Variants in WDR89 observed in about 807,000 individuals in gnomAD.
WDR89 encodes the protein WD repeat-containing protein 89.
A neutral mutation model predicts 29.1 loss-of-function variants in WDR89; 17 were observed. The ratio of observed to expected loss-of-function variants is 0.58; its 90% confidence interval spans 0.40 to 0.88. The LOEUF is 0.88. Among genes scored for constraint, WDR89 ranks in the 40% least tolerant of loss-of-function variants. WDR89 has a pLI of 0.00. For missense variants in WDR89, 396 were observed against 456.3 expected (o/e 0.87, Z 1.20); for synonymous variants, 138 against 157.8 (o/e 0.87, Z 0.94).
chr14:63,606,408 A>G (rs1440746796), intron 2 of WDR89, among the ~76,000 whole-genome samples: 2 of 152,380 alleles, frequency 1.3e-5, no homozygotes, highest in East Asian at 3.9e-4. Context: ...TTATTACAAA[A>G]GAGGAAAAAA....
At chr14:63,607,894 A>AG (rs1216781404) in intron 2 of WDR89, among the ~76,000 whole-genome samples, 2,781 of 150,690 alleles carry the variant, frequency 0.018, 90 homozygotes, top group African/African-American at 0.064. Flanking sequence ...AAAAAAAAAA[A>AG]AAAGAAAAGA....
intron 2 of WDR89, among the ~76,000 whole-genome samples, chr14:63,603,729 G>A (rs1258459372): frequency 4.6e-5 from 7 of 152,114 alleles, no homozygotes; most frequent in Non-Finnish European, 1.0e-4. Flanking sequence ...CAGTCTGTAA[G>A]CCCCACATGA....
At position 63,598,765 on chromosome 14, in the gene WDR89, T is replaced by A; in HGVS notation, c.*14A>T. ...AAACTATAAAACCTACCAAACAAAG[T>A]GCCAAATGCATTATCACTGCTTTTT... On this transcript the variant is annotated 3_prime_UTR_variant, in exon 3 of 3. Transcript: ENST00000620954. 1 of 1,555,216 alleles carries A rather than the reference T, an allele frequency of 6.4e-7. No homozygotes were observed. Among genetic ancestry groups the A allele is most frequent in the South Asian group, 1.2e-5 (1 of 80,420 alleles).
chr14:63,620,154 TAAAAATAC>T (rs1354837518), intron 2 of WDR89, among the ~76,000 whole-genome samples: 1 of 152,008 alleles, frequency 6.6e-6, no homozygotes, highest in Non-Finnish European at 1.5e-5. Flanking sequence ...AAATGTGGTA[TAAAAATAC>T]AAAAATTAGC....
At chr14:63,600,162 C>T (rs898437781) in intron 2 of WDR89, among the ~76,000 whole-genome samples, 189 bp from the exon 3 acceptor site, 1 of 152,104 alleles carries the variant, frequency 6.6e-6, no homozygotes, top group Non-Finnish European at 1.5e-5. Flanking sequence ...TATGATGTAA[C>T]TAAAACTCAG....
chr14:63,627,812 G>A (rs753026008), intron 1 of WDR89, among the ~76,000 whole-genome samples: 1 of 152,152 alleles, frequency 6.6e-6, no homozygotes, highest in Non-Finnish European at 1.5e-5. Flanking sequence ...ATTCAGCTGG[G>A]TATGGTGGTA....
chr14:63,618,043 G>A (rs1299400099), intron 2 of WDR89: 1 of 152,068 alleles, frequency 6.6e-6, no homozygotes, highest in Non-Finnish European at 1.5e-5. Context: ...TAAAACCATG[G>A]TGCTCGCTTC....
At chr14:63,623,664 A>G (rs1882849733) in intron 2 of WDR89, among the ~76,000 whole-genome samples, 1 of 133,818 alleles carries the variant, frequency 7.5e-6, no homozygotes, top group Admixed American at 8.6e-5. Context: ...AGCTCACACC[A>G]CTGCACTCCA....
At position 63,597,070 on chromosome 14, in the gene WDR89, A is replaced by ATTC. The variant is rs1444415715; in HGVS notation, c.*1708_*1709insGAA. The ATTC allele has an allele frequency of 1.3e-5, 2 of 152,228 alleles. No individual in the cohort carries two copies. The highest frequency in any genetic ancestry group is 2.9e-5 in the Non-Finnish European group (2 of 68,042). 9.4% of individuals were successfully genotyped at this position (152,228 alleles called of 1,614,324 possible). On this transcript the variant is annotated 3_prime_UTR_variant, in exon 3 of 3. Coordinates refer to ENST00000620954, the MANE Select transcript of WDR89 (RefSeq NM_080666.4). ...ATAAAGGAAAGTGTTTAATTGACTG[A>ATTC]AGAGTTCAGCATGGCCAGGGAGGCC...
intron 1 of WDR89, among the ~76,000 whole-genome samples, chr14:63,631,205 A>G (rs1313683838): frequency 6.6e-6 from 1 of 152,210 alleles, no homozygotes; most frequent in African/African-American, 2.4e-5. Flanking sequence ...ACATCACACT[A>G]TATCCCAGAA....
chr14:63,598,236 T>G lies in WDR89; in HGVS notation c.*543A>C, dbSNP rs1037973798. ...AGATGCAAATATTTACGAAACATAT[T>G]TTTCTCACTTTACATAGATGCCTAT... is the stretch of plus-strand genomic sequence containing the variant. On this transcript the variant is annotated 3_prime_UTR_variant, in exon 3 of 3. Coordinates refer to ENST00000620954, the MANE Select transcript of WDR89 (RefSeq NM_080666.4). 2.6e-5 allele frequency: 4 copies of G among 152,190 alleles called. No individual in the cohort carries two copies. The highest frequency in any genetic ancestry group is 9.7e-5 in the African/African-American group (4 of 41,450). The allele number at this position is 152,190 out of a possible 1,614,324, so 9.4% of individuals were successfully genotyped here.
chr14:63,612,396 G>A (rs1286448793), intron 2 of WDR89, among the ~76,000 whole-genome samples: 1 of 149,388 alleles, frequency 6.7e-6, no homozygotes, highest in Non-Finnish European at 1.5e-5. Flanking sequence ...TGGGATCTCT[G>A]CTCACTGCAA....
In WDR89 at chr14:63,599,362, A is replaced by G. The variant is rs558790163; in HGVS notation, c.581T>C (p.Leu194Pro). 39 of 1,614,078 alleles carry G rather than the reference A, an allele frequency of 2.4e-5. No homozygotes were observed. Among genetic ancestry groups the G allele is most frequent in the African/African-American group, 4.0e-5 (3 of 74,922 alleles). The change falls in exon 3 of 3, where the codon CTG (leucine) becomes CCG (proline). Residue 194 changes from leucine (L) to proline (P), a missense_variant. Physicochemically the swap from Leu to Pro is moderately conservative, Grantham distance 98. Coordinates refer to ENST00000620954, the MANE Select transcript of WDR89 (RefSeq NM_080666.4). ...AATATTAATATCAAATACATTTACC[A>G]GGCCATCAGATGAACCTGAGACTAC... ...NMVVSGSSDG[L>P]VNVFDINIDN...
At chr14:63,613,907 C>A (rs142801775) in intron 2 of WDR89, among the ~76,000 whole-genome samples, 51 of 151,512 alleles carry the variant, frequency 3.4e-4, no homozygotes, top group Admixed American at 7.9e-4. Flanking sequence ...CTTTGGCCTC[C>A]CAAAGCGCTG....
intron 1 of WDR89, among the ~76,000 whole-genome samples, chr14:63,639,419 TTAAG>T (rs911657042): frequency 7.9e-5 from 12 of 151,164 alleles, no homozygotes; most frequent in Non-Finnish European, 1.2e-4. Context: ...CTCCCCTTTC[TTAAG>T]TGTGTACTTT....
chr14:63,600,072 C>G (rs1350288119), intron 2 of WDR89, 99 bp from the exon 3 acceptor site: 2 of 656,370 alleles, frequency 3.0e-6, no homozygotes, highest in South Asian at 4.0e-5. Context: ...GCAATTAAAT[C>G]AAGAACATTT....
In WDR89 at chr14:63,610,219, TAAAAAAA is replaced by T. The variant is rs56984803; in HGVS notation, c.-31-10253_-31-10247del. Among the ~76,000 whole-genome samples the T allele has an allele frequency of 1.4e-4, 9 of 65,308 alleles. 1 individual carries two copies. The highest frequency in any genetic ancestry group is 0.013 in the Middle Eastern group (1 of 80). 42.8% of individuals were successfully genotyped at this position (65,308 alleles called of 152,430 possible). On this transcript the variant is annotated intron_variant, in intron 2 of 2. Transcript: ENST00000620954. ...GGGGCGACAGAGTAAGACTCTGTCTTAAAAAAAAAAAAAAAAAAAAAAAAACTCTTGG... is the reference window on the plus strand; with the variant it reads ...GGGGCGACAGAGTAAGACTCTGTCTTAAAAAAAAAAAAAAAAAACTCTTGG...
chr14:63,605,176 A>C (rs368960916), intron 2 of WDR89, among the ~76,000 whole-genome samples: 6,436 of 148,092 alleles, frequency 0.043, 162 homozygotes, highest in South Asian at 0.088. Context: ...CTATATATAT[A>C]TATATACACA....
At chr14:63,639,869 C>A (rs910100240) in intron 1 of WDR89, among the ~76,000 whole-genome samples, 1 of 152,124 alleles carries the variant, frequency 6.6e-6, no homozygotes, top group Non-Finnish European at 1.5e-5. Flanking sequence ...GTAATCCCTG[C>A]CACTTGGGAG....
Sources: allele counts gnomAD v4.1 joint callset (sites outside exome capture counted in the v4.1 genomes callset), GRCh38; gene constraint gnomAD v4.1.1; transcripts MANE v1.5; gene names NCBI Gene and HGNC (gene_info 2026-07-23, HGNC 2026-07-21).